The following TMPRSS7 variants were observed in gnomAD, a reference collection of about 807,000 sequenced individuals.
The protein encoded by TMPRSS7 is transmembrane protease serine 7.
Under a neutral mutation model 95.6 loss-of-function variants are expected in TMPRSS7, and 81 were observed. That is an observed-to-expected ratio of 0.85 (90% CI 0.71 to 1.02). The LOEUF (loss-of-function observed/expected upper bound fraction) is 1.02, where lower values mean the gene tolerates loss of function less well. Among genes scored for constraint, TMPRSS7 ranks in the 50% least tolerant of loss-of-function variants. The pLI is 0.00. For missense variants in TMPRSS7, 945 were observed against 955.2 expected (o/e 0.99, Z 0.14); for synonymous variants, 364 against 337.8 (o/e 1.08, Z -0.85).
intron 16 of TMPRSS7, 29 bp downstream of exon 16, chr3:112,077,173 T>G (rs775134919): frequency 1.9e-6 from 3 of 1,606,284 alleles, no homozygotes; most frequent in Non-Finnish European, 1.7e-6. Flanking sequence ...GGTCATGCCC[T>G]TCCCCTGCAG....
intron 6 of TMPRSS7, 155 bp from the exon 7 acceptor site, chr3:112,047,583 TG>T: frequency 1.5e-6 from 1 of 671,318 alleles, no homozygotes; most frequent in Non-Finnish European, 2.7e-6. Context: ...GGCAAAATGC[TG>T]GGCTGTTACC....
chr3:112,036,965 TCTTTA>T (rs1472598845), intron 1 of TMPRSS7, among the ~76,000 whole-genome samples: 1 of 152,236 alleles, frequency 6.6e-6, no homozygotes, highest in African/African-American at 2.4e-5. Context: ...CCTATGACTG[TCTTTA>T]CTTTAATCTC....
chr3:112,077,669 T>G (rs1015825566), intron 16 of TMPRSS7, among the ~76,000 whole-genome samples: 1 of 152,034 alleles, frequency 6.6e-6, no homozygotes. Flanking sequence ...AGGTTATACC[T>G]CCAGGATTTG....
chr3:112,067,041 C>T (rs1265033507), intron 13 of TMPRSS7, among the ~76,000 whole-genome samples: 1 of 152,138 alleles, frequency 6.6e-6, no homozygotes, highest in Non-Finnish European at 1.5e-5. Context: ...CAAGTGTTCT[C>T]ATTGTTCAAT....
At chr3:112,062,012 G>A (rs1038678692) in intron 11 of TMPRSS7, 89 bp downstream of exon 11, 4 of 982,548 alleles carry the variant, frequency 4.1e-6, no homozygotes, top group African/African-American at 1.7e-5. Context: ...TTTAAGAAAT[G>A]AATACTGCTT....
rs142015952 is a variant in TMPRSS7 at position 112,060,149 on chromosome 3, C to T, written c.1311-1638C>T. Among the ~76,000 whole-genome samples the T allele has an allele frequency of 5.1e-3, 783 of 152,092 alleles. 11 individuals are homozygous for T. The highest frequency in any genetic ancestry group is 0.018 in the African/African-American group (749 of 41,502). The stretch of plus-strand genomic sequence containing the variant: ...GATTTTCAAAAGGGGAGGGAGTGTA[C>T]GAATAGGGTGTGGGTCACAGAGATC... On this transcript the variant is annotated intron_variant, in intron 10 of 17. Coordinates refer to ENST00000452346, the Ensembl canonical transcript of TMPRSS7.
At chr3:112,065,158 A>C (rs2073558143) in intron 12 of TMPRSS7, among the ~76,000 whole-genome samples, 2 of 152,128 alleles carry the variant, frequency 1.3e-5, no homozygotes, top group African/African-American at 4.8e-5. Flanking sequence ...CTCCCTCCTC[A>C]GCCTCCTGAG....
Position 112,042,067 on chromosome 3 carries a change from A to G in TMPRSS7, c.429+17A>G. ...CAGCAAGTGGTGAGGCGATGGAGGTAGAGGGTATTAGGGTAGAGTGGGTTT... is the reference window on the plus strand; with the variant it reads ...CAGCAAGTGGTGAGGCGATGGAGGTGGAGGGTATTAGGGTAGAGTGGGTTT... On this transcript the variant is annotated intron_variant, in intron 3 of 17. Transcript: ENST00000452346. The G allele has an allele frequency of 6.5e-7, 1 of 1,549,472 alleles. No individual in the cohort carries two copies. The highest frequency in any genetic ancestry group is 8.7e-7 in the Non-Finnish European group (1 of 1,145,070).
rs568785162 is a variant in TMPRSS7, at chr3:112,050,522, GAAA to G, written c.1091-135_1091-133del. On this transcript the variant is annotated intron_variant, in intron 8 of 17. Transcript: ENST00000452346. ...CTGTAGGGTGGCATTCCTTTCTTCT[GAAA>G]AAAAAAAAAAAAACCCAAAGTTTAA... The G allele has an allele frequency of 1.8e-4, 30 of 169,116 alleles. No homozygotes were observed. In the East Asian group the frequency reaches 2.3e-3, roughly 13 times the overall value. The allele number at this position is 169,116 out of a possible 1,614,324, so 10.5% of individuals were successfully genotyped here. A position where few individuals can be genotyped will look rare whatever the true frequency, so the allele number is the denominator to read the frequency against.
intron 10 of TMPRSS7, among the ~76,000 whole-genome samples, chr3:112,060,540 T>G (rs958920493): frequency 6.6e-6 from 1 of 152,228 alleles, no homozygotes; most frequent in Admixed American, 6.5e-5. Flanking sequence ...TCAGTGATAT[T>G]TCTCCCATTT....
intron 4 of TMPRSS7, 58 bp downstream of exon 4, chr3:112,044,380 G>A (rs2073250759): frequency 1.4e-6 from 2 of 1,432,258 alleles, no homozygotes; most frequent in Middle Eastern, 1.7e-4. Flanking sequence ...GTCCATTCAA[G>A]GCTATGAAAA....
chr3:112,036,384 C>T (rs930815171), intron 1 of TMPRSS7, among the ~76,000 whole-genome samples: 2 of 152,168 alleles, frequency 1.3e-5, no homozygotes, highest in Non-Finnish European at 1.5e-5. Context: ...ACCTGACCAA[C>T]ATGGTGAAAC....
intron 12 of TMPRSS7, among the ~76,000 whole-genome samples, 184 bp downstream of exon 12, chr3:112,063,816 A>C (rs1231226649): frequency 6.6e-6 from 1 of 152,176 alleles, no homozygotes; most frequent in Non-Finnish European, 1.5e-5. Flanking sequence ...ATTTTCTGGG[A>C]TCTGACTAAT....
intron 10 of TMPRSS7, among the ~76,000 whole-genome samples, chr3:112,058,903 T>G (rs186880804): frequency 3.9e-5 from 6 of 152,356 alleles, no homozygotes; most frequent in African/African-American, 1.4e-4. Context: ...CAGATTCATT[T>G]GATGCTTCTT....
chr3:112,037,675 G>T (rs546416721), intron 1 of TMPRSS7, among the ~76,000 whole-genome samples: 1 of 152,206 alleles, frequency 6.6e-6, no homozygotes, highest in East Asian at 1.9e-4. Context: ...TGGCTGAGGG[G>T]GCATCATGGA....
intron 11 of TMPRSS7, among the ~76,000 whole-genome samples, chr3:112,063,272 G>T (rs1187031113): frequency 6.6e-6 from 1 of 152,204 alleles, no homozygotes; most frequent in African/African-American, 2.4e-5. Flanking sequence ...GTAGAAGTTT[G>T]CTTGTGCATA....
chr3:112,046,825 T>C (rs1378830758), intron 5 of TMPRSS7, 149 bp from the exon 6 acceptor site: 1 of 617,306 alleles, frequency 1.6e-6, no homozygotes, highest in Admixed American at 2.7e-5. Flanking sequence ...CCTGAACAAC[T>C]ACCTCATCCT....
At chr3:112,047,397 T>C (rs2107740654) in intron 6 of TMPRSS7, 1 of 563,236 alleles carries the variant, frequency 1.8e-6, no homozygotes, top group Non-Finnish European at 3.4e-6. Flanking sequence ...ATTTCCTGAT[T>C]GCTCTTGCAG....
chr3:112,042,165 G>A, intron 3 of TMPRSS7, 115 bp downstream of exon 3: 2 of 758,572 alleles, frequency 2.6e-6, no homozygotes, highest in Non-Finnish European at 4.3e-6. Flanking sequence ...GAAGTAGAGG[G>A]CAGGGTAGAC....
Sources: gnomAD v4.1 joint callset for allele counts (sites outside exome capture counted in the v4.1 genomes callset) on GRCh38, gnomAD v4.1.1 for gene constraint, MANE v1.5 for transcripts, NCBI Gene and HGNC (gene_info 2026-07-23, HGNC 2026-07-21) for gene names.